PRKDC: variants seen among roughly 807,000 people sequenced by gnomAD.
PRKDC encodes protein kinase, DNA-activated, catalytic subunit, also known as DNA-dependent protein kinase catalytic subunit.
PRKDC carries 82 observed loss-of-function variants against 486.9 expected under a neutral mutation model. The ratio of observed to expected loss-of-function variants is 0.17; its 90% confidence interval spans 0.14 to 0.20. The LOEUF is 0.20. Ranked by LOEUF, PRKDC falls within the 10% of genes least tolerant of loss-of-function variation. PRKDC has a pLI of 1.00. For missense variants in PRKDC, 4,504 were observed against 5,038.2 expected, an observed-to-expected ratio of 0.89 and a Z score of 3.21; for synonymous variants, 1,895 against 1,837.0, an observed-to-expected ratio of 1.03 and a Z score of -0.81.
intron 68 of PRKDC, among the ~76,000 whole-genome samples, chr8:47,810,076 G>A (rs776086686): frequency 6.6e-6 from 1 of 152,174 alleles, no homozygotes; most frequent in Non-Finnish European, 1.5e-5. Flanking sequence ...TGCATGTGCA[G>A]ACAGACTCAA....
chr8:47,930,561 C>G (rs1319967958), intron 17 of PRKDC, 111 bp downstream of exon 17: 8 of 1,151,918 alleles, frequency 6.9e-6, no homozygotes, highest in Middle Eastern at 2.9e-4. Context: ...CGTGAGCCAC[C>G]GAACCCGGCC....
At chr8:47,894,500 C>T (rs2089535313) in intron 30 of PRKDC, among the ~76,000 whole-genome samples, 1 of 152,174 alleles carries the variant, frequency 6.6e-6, no homozygotes, top group Non-Finnish European at 1.5e-5. Context: ...CACAAGAAGA[C>T]AGAGAAGCTG....
chr8:47,891,087 G>A (rs2089446245), intron 31 of PRKDC, among the ~76,000 whole-genome samples: 1 of 152,080 alleles, frequency 6.6e-6, no homozygotes, highest in Admixed American at 6.5e-5. Flanking sequence ...AAACACCCTG[G>A]AGCTTGTTCT....
Position 47,773,272 on chromosome 8 carries a change from G to A in PRKDC, c.*901C>T, listed in dbSNP as rs988713732. ...GGACTGGCGGGGGGGGACAGGGACT[G>A]CACATGGGAAGGAGCCACTTTTGTA... On this transcript the variant is annotated 3_prime_UTR_variant, in exon 86 of 86. Transcript: ENST00000314191. 19 of 227,216 alleles carry A rather than the reference G, an allele frequency of 8.4e-5. No individual in the cohort carries two copies. The highest frequency in any genetic ancestry group is 4.2e-4 in the African/African-American group (19 of 44,832). The allele number at this position is 227,216 out of a possible 1,614,324, so 14.1% of individuals were successfully genotyped here.
At chr8:47,809,571 G>A (rs2087286971) in intron 68 of PRKDC, among the ~76,000 whole-genome samples, 1 of 152,136 alleles carries the variant, frequency 6.6e-6, no homozygotes, top group African/African-American at 2.4e-5. Flanking sequence ...CCCAGACAGA[G>A]GGAACAAATT....
rs1254868725 is a variant in PRKDC at position 47,860,970 on chromosome 8, A to C, written c.5987T>G (p.Val1996Gly). Residue 1996 changes from valine (V) to glycine (G), a missense_variant and splice_region_variant, in exon 45 of 86, where the codon GTT becomes GGT. Transcript: ENST00000314191. ...RRYNFPVEVE[V>G]PMERKKKYIE... Reference sequence around the variant, plus strand: ...GTACTTTTTCTTTCTTTCCATAGGAACCTATTGGGAAGAACAAATAAACAA... The same window carrying C: ...GTACTTTTTCTTTCTTTCCATAGGACCCTATTGGGAAGAACAAATAAACAA... 1.0e-5 allele frequency: 16 copies of C among 1,586,316 alleles called. No individual in the cohort carries two copies. Among genetic ancestry groups the C allele is most frequent in the Non-Finnish European group, 1.2e-5 (14 of 1,162,504 alleles).
chr8:47,943,930 C>T (rs759586513), intron 8 of PRKDC, 44 bp downstream of exon 8: 1 of 1,561,968 alleles, frequency 6.4e-7, no homozygotes, highest in South Asian at 1.2e-5. Context: ...AAAGTCTGCA[C>T]TGTAAAGGCA....
intron 70 of PRKDC, among the ~76,000 whole-genome samples, chr8:47,802,714 G>A (rs1414114000): frequency 1.3e-5 from 2 of 151,640 alleles, no homozygotes; most frequent in African/African-American, 4.8e-5. Context: ...GTGCAGTGGC[G>A]TGATCTCAGT....
At chr8:47,857,076 G>T in intron 49 of PRKDC, 80 bp downstream of exon 49, 1 of 1,408,480 alleles carries the variant, frequency 7.1e-7, no homozygotes, top group Non-Finnish European at 9.4e-7. Context: ...CAGTGAGAGG[G>T]ACCTGAATTA....
In PRKDC at chr8:47,817,021, T is replaced by C. The variant is rs931790539; in HGVS notation, c.9557+429A>G. 2.6e-5 allele frequency among the ~76,000 whole-genome samples: 4 copies of C among 152,256 alleles called. No individual in the cohort carries two copies. In the East Asian group the frequency reaches 7.7e-4, roughly 29 times the overall value. On this transcript the variant is annotated intron_variant, in intron 68 of 85. Transcript: ENST00000314191. ...GAGGACATGAACATGACCTGAGACC[T>C]GGGAAAGTGACACATGACTGTGTAA... is the stretch of plus-strand genomic sequence containing the variant.
chr8:47,927,430 T>C, intron 20 of PRKDC, 77 bp from the exon 21 acceptor site: 2 of 1,449,752 alleles, frequency 1.4e-6, no homozygotes, highest in Admixed American at 2.4e-5. Flanking sequence ...CAAGTAATTG[T>C]GATTTCTAAT....
chr8:47,834,758 T>G (rs1400771126), intron 58 of PRKDC, among the ~76,000 whole-genome samples: 2 of 145,814 alleles, frequency 1.4e-5, no homozygotes, highest in African/African-American at 2.6e-5. Context: ...TGGCGCGATC[T>G]CGGCTCACTG....
At position 47,840,098 on chromosome 8, in the gene PRKDC, C is replaced by A; in HGVS notation, c.7372G>T (p.Val2458Phe). 1 of 1,583,584 alleles carries A rather than the reference C, an allele frequency of 6.3e-7. No homozygotes were observed. Among genetic ancestry groups the A allele is most frequent in the Non-Finnish European group, 8.6e-7 (1 of 1,162,822 alleles). Residue 2458 changes from valine to phenylalanine, a missense_variant, in exon 55 of 86, where the codon GTT becomes TTT. Val to Phe is a conservative substitution (Grantham distance 50, BLOSUM62 -1). This residue lies in a region of PRKDC where 1,592 missense variants were observed against 1,724.6 expected (regional missense o/e 0.92). Coordinates refer to ENST00000314191, the MANE Select transcript of PRKDC (RefSeq NM_006904.7). ...PVELRELLNPVVEFVSHPSTT... is the reference protein window; with the variant it reads ...PVELRELLNPFVEFVSHPSTT... ...GAAGGATGGGAAACGAATTCCACAA[C>A]GGGGTTCAGAAGTTCTCGGAGTTCT...
intron 25 of PRKDC, among the ~76,000 whole-genome samples, chr8:47,906,094 T>C (rs1295063185): frequency 6.6e-6 from 1 of 152,138 alleles, no homozygotes. Context: ...ATGCCCATAA[T>C]CCCAGCATTT....
intron 7 of PRKDC, among the ~76,000 whole-genome samples, chr8:47,947,001 G>T (rs1443909561): frequency 6.6e-6 from 1 of 152,156 alleles, no homozygotes; most frequent in African/African-American, 2.4e-5. Context: ...CATCTGGAAT[G>T]AGATCCCAGC....
At chr8:47,853,184 G>T (rs1367946825) in intron 51 of PRKDC, among the ~76,000 whole-genome samples, 1 of 152,224 alleles carries the variant, frequency 6.6e-6, no homozygotes, top group Non-Finnish European at 1.5e-5. Context: ...GTCTGTGTGA[G>T]GAGGCTTCCC....
In PRKDC at chr8:47,865,740, A is replaced by G. The variant is rs184684719; in HGVS notation, c.5364-977T>C. On this transcript the variant is annotated intron_variant, in intron 40 of 85. Transcript: ENST00000314191. ...ATGCCATACAGGATTTGCAAAGTTT[A>G]TTTGGGTACTATAATGGACTGAATG... Among the ~76,000 whole-genome samples, 603 of 152,222 alleles carry G rather than the reference A, an allele frequency of 4.0e-3. 3 individuals carry two copies. The highest frequency in any genetic ancestry group is 0.024 in the South Asian group (118 of 4,820).
intron 52 of PRKDC, among the ~76,000 whole-genome samples, chr8:47,850,763 G>A (rs959159306): frequency 6.6e-6 from 1 of 152,206 alleles, no homozygotes; most frequent in Admixed American, 6.5e-5. Flanking sequence ...GTGTGCCACA[G>A]GTGCTGAGGG....
chr8:47,842,907 T>C (rs1033743347), intron 54 of PRKDC, among the ~76,000 whole-genome samples: 1 of 152,184 alleles, frequency 6.6e-6, no homozygotes, highest in Non-Finnish European at 1.5e-5. Flanking sequence ...ATCACACCTG[T>C]AATCCCCACC....
Sources: allele counts gnomAD v4.1 joint callset (sites outside exome capture counted in the v4.1 genomes callset), GRCh38; gene constraint gnomAD v4.1.1; regional missense constraint gnomAD v4.1.1; transcripts MANE v1.5; gene names NCBI Gene and HGNC (gene_info 2026-07-23, HGNC 2026-07-21).